Variants in PTPRK observed in about 807,000 individuals in gnomAD.
The protein encoded by PTPRK is protein tyrosine phosphatase receptor type K, also known as receptor-type tyrosine-protein phosphatase kappa.
Under a neutral mutation model 178.0 loss-of-function variants are expected in PTPRK, and 75 were observed. That is an observed-to-expected ratio of 0.42 (90% confidence interval 0.35 to 0.51). The LOEUF (loss-of-function observed/expected upper bound fraction) is 0.51, where lower values mean the gene tolerates loss of function less well. Among genes scored for constraint, PTPRK ranks in the 20% least tolerant of loss-of-function variants. PTPRK has a pLI of 0.02. For synonymous variants in PTPRK, 637 were observed against 620.6 expected, an observed-to-expected ratio of 1.03 and a Z score of -0.39; for missense variants, 1,441 against 1,797.8, an observed-to-expected ratio of 0.80 and a Z score of 3.59.
chr6:128,471,903 A>G (rs1183922361), intron 1 of PTPRK, among the ~76,000 whole-genome samples: 1 of 152,122 alleles, frequency 6.6e-6, no homozygotes, highest in East Asian at 1.9e-4. Context: ...TAGCAGAAGC[A>G]AATAAGTCTG....
chr6:128,447,363 C>A (rs1438501996), intron 1 of PTPRK, among the ~76,000 whole-genome samples: 1 of 152,178 alleles, frequency 6.6e-6, no homozygotes, highest in East Asian at 1.9e-4. Flanking sequence ...ATGTCAGGCA[C>A]CATGCTGAGC....
At chr6:128,078,704 T>A in intron 11 of PTPRK, 109 bp downstream of exon 11, 1 of 600,912 alleles carries the variant, frequency 1.7e-6, no homozygotes, top group Non-Finnish European at 2.8e-6. Context: ...AAAAACATAG[T>A]ACAGTCTGTA....
chr6:128,256,715 C>T (rs577534344), intron 3 of PTPRK, among the ~76,000 whole-genome samples: 52 of 151,826 alleles, frequency 3.4e-4, no homozygotes, highest in African/African-American at 6.5e-4. Flanking sequence ...GGATTACAGG[C>T]GTAAGCAACC....
At chr6:128,276,190 T>C (rs1044031766) in intron 3 of PTPRK, among the ~76,000 whole-genome samples, 13 of 152,118 alleles carry the variant, frequency 8.5e-5, no homozygotes, top group African/African-American at 2.9e-4. Context: ...GCAACACATA[T>C]AAAGTTTTAT....
At chr6:128,091,724 A>G (rs1786991930) in intron 7 of PTPRK, among the ~76,000 whole-genome samples, 1 of 152,132 alleles carries the variant, frequency 6.6e-6, no homozygotes, top group African/African-American at 2.4e-5. Context: ...TCTAGCACTT[A>G]TACACTTGTT....
chr6:128,170,191 G>A (rs1375147204), intron 7 of PTPRK, among the ~76,000 whole-genome samples: 1 of 152,028 alleles, frequency 6.6e-6, no homozygotes, highest in Admixed American at 6.6e-5. Flanking sequence ...GGCAGATCCT[G>A]AATACTGCCT....
In PTPRK at chr6:128,044,544, C is replaced by T. The variant is rs569031555; in HGVS notation, c.2194+20214G>A. Among the ~76,000 whole-genome samples the T allele has an allele frequency of 2.0e-5, 3 of 152,080 alleles. No individual in the cohort carries two copies. In the East Asian group the frequency reaches 5.8e-4, roughly 29 times the overall value. ...CATGGTTTACCAGGCCTTCATGATC[C>T]TTTCTATTCCTTGAATATCTAAAGT... On this transcript the variant is annotated intron_variant, in intron 13 of 29. Coordinates refer to ENST00000368226, the MANE Select transcript of PTPRK (RefSeq NM_002844.4).
At position 128,464,641 on chromosome 6, in the gene PTPRK, A is replaced by ATATATATATATATG. The variant is rs1554271860; in HGVS notation, c.100+55617_100+55618insCATATATATATATA. 0.021 allele frequency among the ~76,000 whole-genome samples: 1,386 copies of ATATATATATATATG among 64,554 alleles called. 181 individuals carry two copies. In the East Asian group the frequency reaches 0.27, roughly 13 times the overall value. 42.3% of individuals were successfully genotyped at this position (64,554 alleles called of 152,430 possible). ...TATACATATATATATATATACACATATATATATATATATATATATATATAT... is the reference window on the plus strand; with the variant it reads ...TATACATATATATATATATACACATATATATATATATATGTATATATATATATATATATATATAT... On this transcript the variant is annotated intron_variant, in intron 1 of 29. Coordinates refer to ENST00000368226, the MANE Select transcript of PTPRK (RefSeq NM_002844.4).
At chr6:128,179,311 T>C (rs1325542718) in intron 7 of PTPRK, among the ~76,000 whole-genome samples, 2 of 152,086 alleles carry the variant, frequency 1.3e-5, no homozygotes, top group East Asian at 3.9e-4. Context: ...TCTGAATAAA[T>C]ATTTTTCAAA....
chr6:128,124,525 C>T (rs1793016223), intron 7 of PTPRK, among the ~76,000 whole-genome samples: 1 of 152,236 alleles, frequency 6.6e-6, no homozygotes, highest in Non-Finnish European at 1.5e-5. Context: ...CAATCCACTA[C>T]ACCACAATTA....
chr6:128,224,035 A>G (rs1411166917), intron 5 of PTPRK, among the ~76,000 whole-genome samples: 1 of 152,198 alleles, frequency 6.6e-6, no homozygotes, highest in East Asian at 1.9e-4. Flanking sequence ...AATTGAAAAC[A>G]TTTAAATTCT....
intron 11 of PTPRK, among the ~76,000 whole-genome samples, chr6:128,073,140 TACAG>T (rs1280091690): frequency 2.0e-5 from 3 of 152,096 alleles, no homozygotes; most frequent in Admixed American, 6.6e-5. Flanking sequence ...ATAAGCTTAC[TACAG>T]AATGTGGCTG....
chr6:128,128,013 C>T (rs1793651579), intron 7 of PTPRK, among the ~76,000 whole-genome samples: 1 of 152,032 alleles, frequency 6.6e-6, no homozygotes, highest in Non-Finnish European at 1.5e-5. Flanking sequence ...GAAACCAAAA[C>T]AAAATGTAGA....
chr6:128,003,441 C>T (rs550423189), intron 15 of PTPRK, among the ~76,000 whole-genome samples: 6 of 151,334 alleles, frequency 4.0e-5, no homozygotes, highest in Non-Finnish European at 5.9e-5. Flanking sequence ...TGGTTCAGAA[C>T]TCTGTTTAAT....
At chr6:128,246,440 A>T (rs373865078) in intron 3 of PTPRK, among the ~76,000 whole-genome samples, 5 of 141,266 alleles carry the variant, frequency 3.5e-5, no homozygotes, top group African/African-American at 1.0e-4. Flanking sequence ...TTCTTTATTT[A>T]AAAAAAAAAA....
chr6:128,244,585 G>A (rs9398868), intron 3 of PTPRK, among the ~76,000 whole-genome samples: 15,256 of 152,188 alleles, frequency 0.1, 1,699 homozygotes, highest in East Asian at 0.34. Flanking sequence ...TCAGATACGT[G>A]TGTAAACAGT....
intron 7 of PTPRK, among the ~76,000 whole-genome samples, chr6:128,144,653 T>C (rs986719497): frequency 2.0e-5 from 3 of 152,200 alleles, no homozygotes; most frequent in African/African-American, 7.2e-5. Context: ...GGCATTCTTA[T>C]ATAATTATTG....
intron 7 of PTPRK, among the ~76,000 whole-genome samples, chr6:128,152,352 T>A (rs1243006031): frequency 3.9e-5 from 6 of 152,080 alleles, no homozygotes; most frequent in Admixed American, 3.9e-4. Flanking sequence ...CTAGAACCAA[T>A]GAGCACAGTG....
chr6:128,215,467 T>G (rs1056703348), intron 6 of PTPRK, among the ~76,000 whole-genome samples: 24 of 152,222 alleles, frequency 1.6e-4, no homozygotes, highest in African/African-American at 5.8e-4. Flanking sequence ...CTGCATCTCA[T>G]CTCTATAAAA....
Sources: allele counts gnomAD v4.1 joint callset (sites outside exome capture counted in the v4.1 genomes callset), GRCh38; gene constraint gnomAD v4.1.1; transcripts MANE v1.5; gene names NCBI Gene and HGNC (gene_info 2026-07-23, HGNC 2026-07-21).